The following DRC9 variants were observed in gnomAD, a reference collection of about 807,000 sequenced individuals.
DRC9 encodes the protein dynein regulatory complex subunit 9, also known as dynein regulatory complex protein 9.
At chr3:197,951,681 AG>A in the DRC9 span, 8 of 242,880 alleles carry the variant, frequency 3.3e-5, no homozygotes, top group East Asian at 8.3e-4. Flanking sequence ...AATAAACAAA[AG>A]ATTTAGCTGA....
chr3:197,926,233 C>T, the DRC9 span: 1 of 631,378 alleles, frequency 1.6e-6, no homozygotes. Context: ...CTCAGCAGGT[C>T]TGGGAGGGGC....
chr3:197,947,847 C>A, the DRC9 span, among the ~76,000 whole-genome samples: 3 of 151,644 alleles, frequency 2.0e-5, no homozygotes, highest in Non-Finnish European at 4.4e-5. Flanking sequence ...CTCCAAACGT[C>A]TCTCTCTGGG....
the DRC9 span, among the ~76,000 whole-genome samples, chr3:197,941,518 CCTTT>C: frequency 2.1e-5 from 2 of 95,650 alleles, no homozygotes; most frequent in African/African-American, 5.5e-5. Flanking sequence ...TTCCTTCCTT[CCTTT>C]CTCTCTTTCT....
At chr3:197,932,024 C>G in the DRC9 span, 357 of 685,962 alleles carry the variant, frequency 5.2e-4, no homozygotes, top group Non-Finnish European at 7.9e-4. Flanking sequence ...ATTGTCCCAG[C>G]AGAACTAGGA....
the DRC9 span, among the ~76,000 whole-genome samples, chr3:197,920,570 C>T: frequency 6.6e-6 from 1 of 152,074 alleles, no homozygotes; most frequent in Non-Finnish European, 1.5e-5. Flanking sequence ...CTACTAAAAA[C>T]ACAAACATAA....
chr3:197,911,261 TTAC>T, the DRC9 span, among the ~76,000 whole-genome samples: 1 of 152,174 alleles, frequency 6.6e-6, no homozygotes, highest in East Asian at 1.9e-4. Flanking sequence ...GACCTTGAAA[TTAC>T]TGCCTGCAAC....
At chr3:197,896,955 A>G in the DRC9 span, among the ~76,000 whole-genome samples, 1 of 152,184 alleles carries the variant, frequency 6.6e-6, no homozygotes, top group Admixed American at 6.5e-5. Flanking sequence ...GATTATTGCA[A>G]TTCAAGGTGA....
At chr3:197,897,812 C>G in the DRC9 span, among the ~76,000 whole-genome samples, 2 of 149,604 alleles carry the variant, frequency 1.3e-5, no homozygotes, top group East Asian at 1.9e-4. Context: ...CGCTCTGTCG[C>G]CCAGGCTGGA....
the DRC9 span, among the ~76,000 whole-genome samples, chr3:197,941,352 T>C: frequency 6.8e-5 from 6 of 87,856 alleles, no homozygotes; most frequent in Non-Finnish European, 1.0e-4. Flanking sequence ...TCTGTCTCTT[T>C]CTTTCCCTTC....
the DRC9 span, among the ~76,000 whole-genome samples, chr3:197,920,090 T>C: frequency 6.6e-6 from 1 of 150,674 alleles, no homozygotes; most frequent in Non-Finnish European, 1.5e-5. Flanking sequence ...GCACCTGTAA[T>C]CTCAGCTACT....
chr3:197,903,399 C>A, the DRC9 span, among the ~76,000 whole-genome samples: 2 of 152,174 alleles, frequency 1.3e-5, no homozygotes, highest in Non-Finnish European at 2.9e-5. Context: ...GTAATCCCAG[C>A]ACTATGGGAG....
At chr3:197,895,702 G>A in the DRC9 span, among the ~76,000 whole-genome samples, 19 of 152,020 alleles carry the variant, frequency 1.2e-4, no homozygotes, top group Non-Finnish European at 1.3e-4. Flanking sequence ...ACCGGGTGCC[G>A]TGGCTCACAC....
At chr3:197,959,150 TGAGCC>T in the DRC9 span, 1 of 152,118 alleles carries the variant, frequency 6.6e-6, no homozygotes, top group Admixed American at 6.6e-5. Context: ...GAGGTTGCAT[TGAGCC>T]GAGATTGTGT....
the DRC9 span, chr3:197,950,753 C>G: frequency 1.6e-6 from 1 of 616,766 alleles, no homozygotes. Flanking sequence ...ACCAGCTGTT[C>G]TCTGAGGTTT....
chr3:197,921,267 A>C, the DRC9 span, among the ~76,000 whole-genome samples: 2 of 122,098 alleles, frequency 1.6e-5, no homozygotes, highest in Non-Finnish European at 3.2e-5. Context: ...CCGGGGATTT[A>C]ACCTGATTTC....
chr3:197,939,736 T>C, the DRC9 span, among the ~76,000 whole-genome samples: 1 of 151,670 alleles, frequency 6.6e-6, no homozygotes. Flanking sequence ...TCTAGGAGGC[T>C]CCACTGTCTT....
the DRC9 span, chr3:197,892,783 A>T: frequency 6.2e-7 from 1 of 1,613,718 alleles, no homozygotes; most frequent in Non-Finnish European, 8.5e-7. Flanking sequence ...ACATGAAAAC[A>T]TGGCATTCAG....
the DRC9 span, among the ~76,000 whole-genome samples, chr3:197,922,621 G>A: frequency 3.9e-5 from 6 of 152,024 alleles, no homozygotes; most frequent in Admixed American, 1.3e-4. Context: ...CAGGAGAATC[G>A]CTTGAACTCG....
the DRC9 span, among the ~76,000 whole-genome samples, chr3:197,923,509 C>T: frequency 6.6e-6 from 1 of 152,262 alleles, no homozygotes; most frequent in Non-Finnish European, 1.5e-5. Flanking sequence ...GCAGACAGAT[C>T]ACTTGAGCTC....
Sources: gnomAD v4.1 joint callset for allele counts (sites outside exome capture counted in the v4.1 genomes callset) on GRCh38, gnomAD v4.1.1 for gene constraint, MANE v1.5 for transcripts, NCBI Gene and HGNC (gene_info 2026-07-23, HGNC 2026-07-21) for gene names.